Variants in EPHB1 observed in about 807,000 individuals in gnomAD.
EPHB1 encodes ephrin type-B receptor 1.
A neutral mutation model predicts 94.4 loss-of-function variants in EPHB1; 30 were observed. The observed-to-expected ratio is 0.32, with a 90% CI of 0.24 to 0.43. EPHB1 has a LOEUF of 0.43. Ranked by LOEUF, EPHB1 falls within the 20% of genes least tolerant of loss-of-function variation. EPHB1 has a pLI of 1.00. For missense variants in EPHB1, 1,055 were observed against 1,308.3 expected, an observed-to-expected ratio of 0.81 and a Z score of 2.99; for synonymous variants, 522 against 489.1, an observed-to-expected ratio of 1.07 and a Z score of -0.89.
intron 1 of EPHB1, among the ~76,000 whole-genome samples, chr3:134,801,581 T>C (rs2035936072): frequency 6.6e-6 from 1 of 152,244 alleles, no homozygotes; most frequent in Admixed American, 6.5e-5. Flanking sequence ...CAGATTTCCA[T>C]GTCTCCAAAG....
At chr3:134,953,037 C>T (rs9818859) in intron 3 of EPHB1, among the ~76,000 whole-genome samples, 48,037 of 151,924 alleles carry the variant, frequency 0.32, 7,894 homozygotes, top group Middle Eastern at 0.5. Flanking sequence ...CAGAAATGAC[C>T]ACCTTAACCT....
At position 134,995,566 on chromosome 3, in the gene EPHB1, T is replaced by C. The variant is rs151239316; in HGVS notation, c.805+43514T>C. The stretch of plus-strand genomic sequence containing the variant: ...TCATTAGCCATTAGAAAAGTACAAA[T>C]TAAGACAAATGCAAATTAAGACCAC... On this transcript the variant is annotated intron_variant, in intron 3 of 15. Coordinates refer to ENST00000398015, the MANE Select transcript of EPHB1 (RefSeq NM_004441.5). Among the ~76,000 whole-genome samples, 232 of 152,262 alleles carry C rather than the reference T, an allele frequency of 1.5e-3. 1 individual carries two copies. The highest frequency in any genetic ancestry group is 5.4e-3 in the African/African-American group (224 of 41,546).
chr3:135,039,231 A>T (rs1678549730), intron 3 of EPHB1, among the ~76,000 whole-genome samples: 1 of 152,184 alleles, frequency 6.6e-6, no homozygotes, highest in African/African-American at 2.4e-5. Context: ...GAGCAGCTAG[A>T]TAGAGAGTGT....
intron 1 of EPHB1, among the ~76,000 whole-genome samples, chr3:134,874,831 C>T (rs1267245944): frequency 6.6e-6 from 1 of 152,162 alleles, no homozygotes; most frequent in Non-Finnish European, 1.5e-5. Flanking sequence ...TTGTAGTTAC[C>T]CGATGGGCTA....
chr3:135,097,245 C>T lies in EPHB1; in HGVS notation c.806-9203C>T, dbSNP rs1335273310. On this transcript the variant is annotated intron_variant, in intron 3 of 15. Transcript: ENST00000398015. ...CTTGGAGACCAATTTGAGAACCTGG[C>T]CTAGATCACTACAAAACACCTGGGC... 2.2e-5 allele frequency among the ~76,000 whole-genome samples: 3 copies of T among 139,066 alleles called. No individual in the cohort carries two copies. The East Asian group carries it at 6.5e-4, about 30-fold the overall frequency. 91.2% of individuals were successfully genotyped at this position (139,066 alleles called of 152,430 possible).
intron 1 of EPHB1, among the ~76,000 whole-genome samples, chr3:134,891,355 C>T (rs758535577): frequency 6.6e-6 from 1 of 152,208 alleles, no homozygotes; most frequent in African/African-American, 2.4e-5. Context: ...AGTGATCCAC[C>T]TGCCTTGGCC....
chr3:134,818,566 C>G (rs565384520), intron 1 of EPHB1, among the ~76,000 whole-genome samples: 17 of 152,306 alleles, frequency 1.1e-4, no homozygotes, highest in African/African-American at 4.1e-4. Context: ...CCCCAAAATC[C>G]ATTGTATCCT....
chr3:135,187,610 T>C (rs1942359001), intron 10 of EPHB1, among the ~76,000 whole-genome samples: 1 of 152,150 alleles, frequency 6.6e-6, no homozygotes, highest in African/African-American at 2.4e-5. Flanking sequence ...TGTTTGTTAT[T>C]AATAATAGCA....
chr3:135,013,293 C>T (rs996161628), intron 3 of EPHB1, among the ~76,000 whole-genome samples: 6 of 152,156 alleles, frequency 3.9e-5, no homozygotes, highest in Admixed American at 6.5e-5. Flanking sequence ...GCCCCTGCAC[C>T]GTCATTGTGT....
intron 3 of EPHB1, among the ~76,000 whole-genome samples, chr3:135,080,648 G>T (rs901299721): frequency 2.6e-5 from 4 of 152,078 alleles, no homozygotes; most frequent in Admixed American, 2.6e-4. Context: ...TTTAGGATTT[G>T]AGTGCTGTTG....
At chr3:135,024,565 G>C (rs560127899) in intron 3 of EPHB1, among the ~76,000 whole-genome samples, 15 of 152,086 alleles carry the variant, frequency 9.9e-5, no homozygotes, top group Non-Finnish European at 2.2e-4. Context: ...TTTTCATCTG[G>C]TCTCCATCCA....
intron 1 of EPHB1, among the ~76,000 whole-genome samples, chr3:134,805,032 T>A (rs1466885214): frequency 6.6e-6 from 1 of 152,232 alleles, no homozygotes; most frequent in Non-Finnish European, 1.5e-5. Flanking sequence ...TTCCTCTTGG[T>A]ATTTTTCCAG....
intron 6 of EPHB1, among the ~76,000 whole-genome samples, chr3:135,154,847 G>A (rs960402655): frequency 4.6e-5 from 7 of 152,174 alleles, no homozygotes; most frequent in African/African-American, 1.7e-4. Context: ...TGACAGTGGG[G>A]CATGGGGCTG....
At chr3:135,027,692 G>T (rs796336792) in intron 3 of EPHB1, among the ~76,000 whole-genome samples, 116 of 150,590 alleles carry the variant, frequency 7.7e-4, no homozygotes, top group Non-Finnish European at 1.4e-3. Context: ...TCTCTTTTTT[G>T]GTTGTGTCTC....
At chr3:134,821,328 G>T (rs1246371463) in intron 1 of EPHB1, among the ~76,000 whole-genome samples, 1 of 152,042 alleles carries the variant, frequency 6.6e-6, no homozygotes, top group Non-Finnish European at 1.5e-5. Context: ...TTACTTGAGC[G>T]ACCATGTTCC....
At chr3:134,859,341 C>T (rs1189516549) in intron 1 of EPHB1, among the ~76,000 whole-genome samples, 1 of 152,192 alleles carries the variant, frequency 6.6e-6, no homozygotes, top group Non-Finnish European at 1.5e-5. Context: ...GGGAAACTCA[C>T]CTTGGGCAGC....
At chr3:135,025,330 T>G (rs1408889749) in intron 3 of EPHB1, among the ~76,000 whole-genome samples, 1 of 123,838 alleles carries the variant, frequency 8.1e-6, no homozygotes, top group Non-Finnish European at 1.7e-5. Context: ...CATCTAGCAT[T>G]AGGTATATCT....
chr3:135,237,266 T>A (rs888890846), intron 12 of EPHB1, among the ~76,000 whole-genome samples: 3 of 141,054 alleles, frequency 2.1e-5, no homozygotes, highest in Non-Finnish European at 4.6e-5. Context: ...TTCTCGTAGT[T>A]CACCAAATTC....
chr3:135,007,241 C>T (rs1409746099), intron 3 of EPHB1, among the ~76,000 whole-genome samples: 3 of 152,206 alleles, frequency 2.0e-5, no homozygotes, highest in Non-Finnish European at 2.9e-5. Context: ...TAGACACTCC[C>T]TTACCTCCCT....
Sources: gnomAD v4.1 joint callset for allele counts (sites outside exome capture counted in the v4.1 genomes callset) on GRCh38, gnomAD v4.1.1 for gene constraint, MANE v1.5 for transcripts, NCBI Gene and HGNC (gene_info 2026-07-23, HGNC 2026-07-21) for gene names.